MARCHF1: variants seen among roughly 807,000 people sequenced by gnomAD.
The protein encoded by MARCHF1 is E3 ubiquitin-protein ligase MARCHF1.
MARCHF1 carries 40 observed loss-of-function variants against 54.2 expected under a neutral mutation model. That is an observed-to-expected ratio of 0.74 (90% confidence interval 0.57 to 0.96). The LOEUF is 0.96. Among genes scored for constraint, MARCHF1 ranks in the 40% least tolerant of loss-of-function variants. The pLI, the probability that MARCHF1 is intolerant of heterozygous loss-of-function variation, is 0.00. For synonymous variants in MARCHF1, 236 were observed against 236.3 expected (o/e 1.00, Z 0.01); for missense variants, 586 against 656.5 (o/e 0.89, Z 1.17).
intron 3 of MARCHF1, among the ~76,000 whole-genome samples, chr4:163,863,084 T>C (rs1024451109): frequency 6.6e-6 from 1 of 152,052 alleles, no homozygotes; most frequent in Non-Finnish European, 1.5e-5. Flanking sequence ...TAGTGGTGGA[T>C]ATGTCATCCT....
At chr4:163,980,596 C>T (rs1752742352) in intron 3 of MARCHF1, among the ~76,000 whole-genome samples, 1 of 152,146 alleles carries the variant, frequency 6.6e-6, no homozygotes, top group Non-Finnish European at 1.5e-5. Context: ...CTTATAATTT[C>T]ACGGGGCCAC....
At chr4:164,130,881 A>T (rs750052350) in intron 1 of MARCHF1, among the ~76,000 whole-genome samples, 23 of 152,274 alleles carry the variant, frequency 1.5e-4, no homozygotes, top group Admixed American at 3.9e-4. Flanking sequence ...TTCTCTTCCC[A>T]TTACATGTTT....
chr4:163,907,865 A>G (rs1751105863), intron 3 of MARCHF1, among the ~76,000 whole-genome samples: 1 of 152,144 alleles, frequency 6.6e-6, no homozygotes. Flanking sequence ...AGTTCCTGGC[A>G]CATGACTCCC....
intron 8 of MARCHF1, among the ~76,000 whole-genome samples, chr4:163,567,986 C>T (rs1052490513): frequency 6.6e-6 from 1 of 152,044 alleles, no homozygotes; most frequent in Non-Finnish European, 1.5e-5. Flanking sequence ...GTTAAATAAT[C>T]CTCCTGATAT....
At chr4:164,257,019 C>G (rs956716041) in intron 1 of MARCHF1, among the ~76,000 whole-genome samples, 3 of 152,038 alleles carry the variant, frequency 2.0e-5, no homozygotes, top group Admixed American at 6.6e-5. Flanking sequence ...TTTGATGATA[C>G]ATTTCAAGAA....
intron 5 of MARCHF1, among the ~76,000 whole-genome samples, chr4:163,632,237 G>T (rs1428968369): frequency 6.6e-6 from 1 of 152,140 alleles, no homozygotes; most frequent in East Asian, 1.9e-4. Context: ...AATGTAGGGG[G>T]AGGAGCCAAG....
intron 1 of MARCHF1, among the ~76,000 whole-genome samples, chr4:164,140,436 G>C (rs1436960769): frequency 1.3e-5 from 2 of 151,912 alleles, no homozygotes; most frequent in African/African-American, 4.8e-5. Context: ...AAACTGACCG[G>C]ATCACTGCAT....
intron 2 of MARCHF1, among the ~76,000 whole-genome samples, chr4:164,009,001 C>T (rs997107562): frequency 3.3e-5 from 5 of 151,748 alleles, no homozygotes; most frequent in African/African-American, 1.2e-4. Context: ...CCAAAAAGTA[C>T]AAACACCAAA....
intron 2 of MARCHF1, among the ~76,000 whole-genome samples, chr4:164,091,410 T>TTTTTTATATATA (rs145149996): frequency 1.5e-5 from 2 of 136,944 alleles, no homozygotes; most frequent in South Asian, 2.3e-4. Flanking sequence ...TCACCAAGTT[T>TTTTTTATATATA]TATATATATA....
chr4:164,153,505 TATA>T (rs1368390436), intron 1 of MARCHF1, among the ~76,000 whole-genome samples: 1 of 151,990 alleles, frequency 6.6e-6, no homozygotes, highest in African/African-American at 2.4e-5. Flanking sequence ...TGTATAAGAA[TATA>T]ATAATAATTT....
intron 4 of MARCHF1, among the ~76,000 whole-genome samples, chr4:163,732,988 C>A (rs926551872): frequency 1.3e-5 from 2 of 150,738 alleles, no homozygotes; most frequent in African/African-American, 4.9e-5. Flanking sequence ...CCCGTCTCTA[C>A]TAAAAATATA....
chr4:164,238,327 T>C (rs1192568475), intron 1 of MARCHF1, among the ~76,000 whole-genome samples: 3 of 151,950 alleles, frequency 2.0e-5, no homozygotes, highest in Non-Finnish European at 2.9e-5. Flanking sequence ...GAAAAAACAA[T>C]AGTAAATCCA....
At chr4:163,772,921 G>A (rs1349763519) in intron 4 of MARCHF1, among the ~76,000 whole-genome samples, 1 of 152,146 alleles carries the variant, frequency 6.6e-6, no homozygotes, top group Non-Finnish European at 1.5e-5. Flanking sequence ...GTAGTATATG[G>A]AAGGAGAAGG....
At chr4:164,211,022 G>C (rs1474020372) in intron 1 of MARCHF1, among the ~76,000 whole-genome samples, 1 of 151,992 alleles carries the variant, frequency 6.6e-6, no homozygotes, top group Non-Finnish European at 1.5e-5. Flanking sequence ...CATAAAAGCA[G>C]AGAGTAGAAC....
chr4:164,214,690 G>C (rs984386806), intron 1 of MARCHF1, among the ~76,000 whole-genome samples: 2 of 152,038 alleles, frequency 1.3e-5, no homozygotes, highest in African/African-American at 4.8e-5. Flanking sequence ...AAGGGTCTTT[G>C]GTAAGCAAAA....
At chr4:163,727,821 T>C (rs921896433) in intron 4 of MARCHF1, among the ~76,000 whole-genome samples, 5 of 152,030 alleles carry the variant, frequency 3.3e-5, no homozygotes, top group African/African-American at 1.2e-4. Context: ...TACAGGTGCA[T>C]GCCACCATGC....
At chr4:163,789,306 A>G (rs1018945083) in intron 4 of MARCHF1, among the ~76,000 whole-genome samples, 1 of 152,032 alleles carries the variant, frequency 6.6e-6, no homozygotes, top group South Asian at 2.1e-4. Context: ...TTAGAAACAC[A>G]TGGACATGTA....
intron 1 of MARCHF1, among the ~76,000 whole-genome samples, chr4:164,295,610 G>A (rs530557778): frequency 6.6e-6 from 1 of 152,284 alleles, no homozygotes; most frequent in East Asian, 1.9e-4. Flanking sequence ...GGAAATGGCT[G>A]CAATTAAAGT....
intron 2 of MARCHF1, among the ~76,000 whole-genome samples, chr4:164,016,529 A>T (rs150961203): frequency 7.8e-4 from 119 of 152,292 alleles, no homozygotes; most frequent in African/African-American, 2.8e-3. Flanking sequence ...ATGGAACTGG[A>T]GGGCATTTTA....
Sources: gnomAD v4.1 joint callset for allele counts (sites outside exome capture counted in the v4.1 genomes callset) on GRCh38, gnomAD v4.1.1 for gene constraint, MANE v1.5 for transcripts, NCBI Gene and HGNC (gene_info 2026-07-23, HGNC 2026-07-21) for gene names.